The following EML6 variants were observed in gnomAD, a reference collection of about 807,000 sequenced individuals.
EML6 encodes the protein echinoderm microtubule-associated protein-like 6.
Under a neutral mutation model 240.1 loss-of-function variants are expected in EML6, and 154 were observed. The ratio of observed to expected loss-of-function variants is 0.64; its 90% CI spans 0.56 to 0.73. The LOEUF is 0.73. Ranked by LOEUF, EML6 falls within the 30% of genes least tolerant of loss-of-function variation. The pLI, the probability that EML6 is intolerant of heterozygous loss-of-function variation, is 0.00. For missense variants in EML6, 2,964 were observed against 2,474.6 expected, an observed-to-expected ratio of 1.20 and a Z score of -4.20; for synonymous variants, 1,148 against 899.0, an observed-to-expected ratio of 1.28 and a Z score of -4.95.
At chr2:54,825,041 T>G (rs531935674) in intron 5 of EML6, among the ~76,000 whole-genome samples, 12 of 152,244 alleles carry the variant, frequency 7.9e-5, no homozygotes, top group Non-Finnish European at 1.6e-4. Context: ...GTGGGCCTTA[T>G]ACCATCTGAC....
intron 2 of EML6, among the ~76,000 whole-genome samples, chr2:54,797,464 C>T (rs1669882184): frequency 6.6e-6 from 1 of 152,106 alleles, no homozygotes; most frequent in Non-Finnish European, 1.5e-5. Context: ...ATTTCATACA[C>T]AGGTATATAT....
At chr2:54,804,210 G>C (rs1483580949) in intron 2 of EML6, among the ~76,000 whole-genome samples, 1 of 152,190 alleles carries the variant, frequency 6.6e-6, no homozygotes, top group African/African-American at 2.4e-5. Context: ...CTTCTCTAAA[G>C]TATTTAATCA....
intron 28 of EML6, among the ~76,000 whole-genome samples, chr2:54,948,552 G>C (rs1035212332): frequency 2.8e-4 from 43 of 152,156 alleles, no homozygotes; most frequent in African/African-American, 1.0e-3. Context: ...GCTTCTCCTT[G>C]GTTTTGAACC....
At chr2:54,791,284 GC>G (rs1278527683) in intron 2 of EML6, among the ~76,000 whole-genome samples, 3 of 152,160 alleles carry the variant, frequency 2.0e-5, no homozygotes, top group Non-Finnish European at 4.4e-5. Flanking sequence ...GTATGCTCAC[GC>G]AAGTGGGTCT....
At chr2:54,737,950 C>G (rs1205962062) in intron 2 of EML6, among the ~76,000 whole-genome samples, 2 of 152,168 alleles carry the variant, frequency 1.3e-5, no homozygotes, top group Non-Finnish European at 2.9e-5. Flanking sequence ...GCCGCAGGGC[C>G]TTTGTACTCT....
At chr2:54,793,385 C>T (rs200280636) in intron 2 of EML6, among the ~76,000 whole-genome samples, 115 of 121,744 alleles carry the variant, frequency 9.4e-4, no homozygotes, top group Middle Eastern at 9.5e-3. Context: ...TATGAGTAGG[C>T]TTTTTTTTTT....
intron 2 of EML6, among the ~76,000 whole-genome samples, chr2:54,761,908 C>G (rs997545171): frequency 6.6e-6 from 1 of 151,714 alleles, no homozygotes; most frequent in Non-Finnish European, 1.5e-5. Flanking sequence ...TTCCCTTTTA[C>G]CCTTAATACT....
In EML6 at chr2:54,736,429, C is replaced by T. The variant is rs116111679; in HGVS notation, c.197+11171C>T. Among the ~76,000 whole-genome samples, 518 of 152,294 alleles carry T rather than the reference C, an allele frequency of 3.4e-3. 1 individual carries two copies. The highest frequency in any genetic ancestry group is 0.01 in the Middle Eastern group (3 of 294). On this transcript the variant is annotated intron_variant, in intron 2 of 41. Coordinates refer to ENST00000356458, the MANE Select transcript of EML6 (RefSeq NM_001039753.4). The stretch of plus-strand genomic sequence containing the variant: ...CTCTAACCAGACATGTGACTTTGGG[C>T]ATGGCAGTTACCTTTTCTGGGCCTC...
At chr2:54,915,744 T>G (rs965470748) in intron 25 of EML6, among the ~76,000 whole-genome samples, 1 of 152,060 alleles carries the variant, frequency 6.6e-6, no homozygotes, top group African/African-American at 2.4e-5. Context: ...AAGCAGAAAT[T>G]AGGCAGGGTA....
In EML6 at chr2:54,950,799, T is replaced by C. The variant is rs1246303779; in HGVS notation, c.4213+20T>C. On this transcript the variant is annotated intron_variant, in intron 30 of 41. Coordinates refer to ENST00000356458, the MANE Select transcript of EML6 (RefSeq NM_001039753.4). ...CCACAGGTAACCGGGGGTTAAAAAA[T>C]ACAGGTTTTTCTTTTAGCTGTTTTT... The C allele has an allele frequency of 1.3e-6, 2 of 1,543,994 alleles. No individual in the cohort carries two copies. Among genetic ancestry groups the C allele is most frequent in the Non-Finnish European group, 1.7e-6 (2 of 1,144,064 alleles).
rs973390159 is a variant in EML6, at chr2:54,903,133, G to C, written c.3214G>C (p.Val1072Leu). Residue 1072 changes from valine to leucine, a missense_variant, in exon 23 of 42, where the codon GTT becomes CTT. Physicochemically the swap from Val to Leu is conservative, Grantham distance 32 (BLOSUM62 1). Transcript: ENST00000356458. ...TTTCCTGGTGGTAAATGCTGACACT[G>C]TTGAAGACATGGTCTCTTTCCATCA... The part of the protein sequence containing the change: ...GSFLVVNADT[V>L]EDMVSFHHRK... 1 of 1,551,742 alleles carries C rather than the reference G, an allele frequency of 6.4e-7. No individual in the cohort carries two copies. The highest frequency in any genetic ancestry group is 1.4e-5 in the African/African-American group (1 of 73,050).
intron 2 of EML6, among the ~76,000 whole-genome samples, chr2:54,752,311 G>A (rs1684212319): frequency 6.6e-6 from 1 of 152,020 alleles, no homozygotes; most frequent in Admixed American, 6.6e-5. Flanking sequence ...CTTCTTAATT[G>A]AAATATAACA....
At chr2:54,751,529 A>G (rs1684164239) in intron 2 of EML6, among the ~76,000 whole-genome samples, 1 of 152,180 alleles carries the variant, frequency 6.6e-6, no homozygotes, top group South Asian at 2.1e-4. Flanking sequence ...GTTTAAAGGA[A>G]GAGAAGCTTA....
At position 54,957,806 on chromosome 2, in the gene EML6, C is replaced by T. The variant is rs1452947084; in HGVS notation, c.4503C>T (p.Ser1501=). Residue 1501 remains serine, a synonymous_variant, in exon 33 of 42, where the codon AGC becomes AGT. Transcript: ENST00000356458. ...CCCACACAGGTGCCAAGGTTGCCAGCCGAGGGGGTCACCTGGAGCGCATAT... is the reference window on the plus strand; with the variant it reads ...CCCACACAGGTGCCAAGGTTGCCAGTCGAGGGGGTCACCTGGAGCGCATAT... The part of the protein sequence containing the change: ...WRWQEGAKVA[S]RGGHLERIFV... 6.5e-7 allele frequency: 1 copy of T among 1,549,860 alleles called. No individual in the cohort carries two copies. Among genetic ancestry groups the T allele is most frequent in the East Asian group, 2.4e-5 (1 of 40,928 alleles).
At chr2:54,794,160 G>T (rs937726096) in intron 2 of EML6, among the ~76,000 whole-genome samples, 1 of 152,176 alleles carries the variant, frequency 6.6e-6, no homozygotes, top group Non-Finnish European at 1.5e-5. Context: ...TAAAGGCTAA[G>T]ATAGATTAGG....
At position 54,951,420 on chromosome 2, in the gene EML6, C is replaced by T. The variant is rs371938434; in HGVS notation, c.4213+641C>T. On this transcript the variant is annotated intron_variant, in intron 30 of 41. Coordinates refer to ENST00000356458, the MANE Select transcript of EML6 (RefSeq NM_001039753.4). ...TGGTGGCAGGTGCCTGTAGTCCCAG[C>T]TACTCAGGAAGCTGAGGCAGGAGAA... is the stretch of plus-strand genomic sequence containing the variant. Among the ~76,000 whole-genome samples the T allele has an allele frequency of 7.9e-5, 12 of 152,170 alleles. No homozygotes were observed. The East Asian group carries it at 1.2e-3, about 15-fold the overall frequency.
At position 54,944,906 on chromosome 2, in the gene EML6, G is replaced by A. The variant is rs918017504; in HGVS notation, c.4005-3976G>A. ...GTCTTGATAACAGAGAGGCCCCCTGGCTTTGGAGATTTTTCCTAACCCTGG... is the reference window on the plus strand; with the variant it reads ...GTCTTGATAACAGAGAGGCCCCCTGACTTTGGAGATTTTTCCTAACCCTGG... On this transcript the variant is annotated intron_variant, in intron 28 of 41. Transcript: ENST00000356458. 5.3e-4 allele frequency among the ~76,000 whole-genome samples: 80 copies of A among 151,924 alleles called. 2 individuals carry two copies. Among genetic ancestry groups the A allele is most frequent in the African/African-American group, 1.9e-3 (79 of 41,350 alleles).
At chr2:54,928,224 T>C (rs1674660033) in intron 26 of EML6, 89 bp from the exon 27 acceptor site, 1 of 1,024,672 alleles carries the variant, frequency 9.8e-7, no homozygotes, top group Non-Finnish European at 1.5e-6. Flanking sequence ...AACTGTTTCC[T>C]TTGTATCCAG....
chr2:54,926,101 A>G (rs1270900912), intron 26 of EML6, among the ~76,000 whole-genome samples: 1 of 152,106 alleles, frequency 6.6e-6, no homozygotes, highest in African/African-American at 2.4e-5. Flanking sequence ...CTGGAGACAT[A>G]TTCCAGATTT....
Sources: gnomAD v4.1 joint callset for allele counts (sites outside exome capture counted in the v4.1 genomes callset) on GRCh38, gnomAD v4.1.1 for gene constraint, MANE v1.5 for transcripts, NCBI Gene and HGNC (gene_info 2026-07-23, HGNC 2026-07-21) for gene names.